NRP1: variants seen among roughly 807,000 people sequenced by gnomAD.
NRP1 encodes neuropilin-1.
A neutral mutation model predicts 106.7 loss-of-function variants in NRP1; 35 were observed. The observed-to-expected ratio is 0.33, with a 90% CI of 0.25 to 0.43. The LOEUF is 0.43. Among genes scored for constraint, NRP1 ranks in the 20% least tolerant of loss-of-function variants. The pLI is 1.00. For missense variants in NRP1, 1,024 were observed against 1,170.4 expected (o/e 0.87, Z 1.83); for synonymous variants, 437 against 417.9 (o/e 1.05, Z -0.56).
chr10:33,244,057 C>T (rs1230218393), intron 6 of NRP1, among the ~76,000 whole-genome samples: 1 of 151,828 alleles, frequency 6.6e-6, no homozygotes, highest in Non-Finnish European at 1.5e-5. Flanking sequence ...GTGGTGCTTT[C>T]AAATGGTGCA....
intron 16 of NRP1, among the ~76,000 whole-genome samples, chr10:33,180,762 C>A (rs1835634836): frequency 6.6e-6 from 1 of 152,224 alleles, no homozygotes; most frequent in African/African-American, 2.4e-5. Flanking sequence ...ATGTACCTAA[C>A]CCCAAAACAG....
intron 13 of NRP1, among the ~76,000 whole-genome samples, chr10:33,191,344 G>A (rs931305268): frequency 2.1e-4 from 32 of 152,230 alleles, no homozygotes; most frequent in African/African-American, 7.5e-4. Context: ...TGTGATCTAG[G>A]GCATGGTGAG....
intron 2 of NRP1, among the ~76,000 whole-genome samples, chr10:33,316,386 A>T (rs1011905913): frequency 7.2e-5 from 11 of 152,176 alleles, no homozygotes; most frequent in African/African-American, 2.4e-4. Context: ...GGCAGAAGAG[A>T]AGTCATTTGC....
chr10:33,210,320 AT>A, intron 9 of NRP1, among the ~76,000 whole-genome samples: 1 of 152,238 alleles, frequency 6.6e-6, no homozygotes, highest in Admixed American at 6.5e-5. Flanking sequence ...TGTCAGTAGG[AT>A]ACTAATTATA....
Position 33,240,217 on chromosome 10 carries a change from C to T in NRP1, c.981+13811G>A, listed in dbSNP as rs115774064. ...CACACACACAGACACACACACACCT[C>T]TCCAGGTTTTCAGCAGTTTAAAGAA... On this transcript the variant is annotated intron_variant, in intron 6 of 16. Coordinates refer to ENST00000374867, the MANE Select transcript of NRP1 (RefSeq NM_003873.7). Among the ~76,000 whole-genome samples the T allele has an allele frequency of 6.8e-3, 1,035 of 152,282 alleles. 17 individuals are homozygous for T. The highest frequency in any genetic ancestry group is 0.024 in the African/African-American group (1,004 of 41,566).
chr10:33,247,084 A>G (rs1841483384), intron 6 of NRP1, among the ~76,000 whole-genome samples: 1 of 152,262 alleles, frequency 6.6e-6, no homozygotes, highest in Non-Finnish European at 1.5e-5. Context: ...TGTTAAAACA[A>G]ATGACATTCT....
intron 2 of NRP1, among the ~76,000 whole-genome samples, chr10:33,274,756 G>T (rs1311970120): frequency 6.6e-6 from 1 of 152,136 alleles, no homozygotes; most frequent in African/African-American, 2.4e-5. Flanking sequence ...TGAGGTGGTG[G>T]TGTCTTTTTA....
At chr10:33,232,981 C>T (rs534952098) in intron 6 of NRP1, among the ~76,000 whole-genome samples, 8 of 152,050 alleles carry the variant, frequency 5.3e-5, no homozygotes, top group South Asian at 2.1e-4. Context: ...TACATAGCGC[C>T]GTTGGCACTA....
At chr10:33,249,448 G>T (rs1239145776) in intron 6 of NRP1, 2 of 525,512 alleles carry the variant, frequency 3.8e-6, no homozygotes, top group South Asian at 2.9e-5. Flanking sequence ...TATAGGAAAA[G>T]AAACTCAGTT....
chr10:33,254,041 CG>C lies in NRP1; in HGVS notation c.967del (p.Arg323GlufsTer6). The C allele has an allele frequency of 6.2e-7, 1 of 1,609,824 alleles. No homozygotes were observed. Among genetic ancestry groups the C allele is most frequent in the Non-Finnish European group, 8.5e-7 (1 of 1,178,830 alleles). The part of the protein sequence containing the change: ...NGWTPGEDSY[R>X]EWIQVDLGLL... ...TATGCTGCATACCTGTATCCACTCT[CG>C]GTAGGAATCCTCTCCGGGAGTCCAC... On this transcript the variant is annotated frameshift_variant, in exon 6 of 17. Coordinates refer to ENST00000374867, the MANE Select transcript of NRP1 (RefSeq NM_003873.7). LOFTEE classifies it high-confidence loss of function.
At chr10:33,273,450 C>G (rs1418570745) in intron 2 of NRP1, among the ~76,000 whole-genome samples, 1 of 152,184 alleles carries the variant, frequency 6.6e-6, no homozygotes. Flanking sequence ...AGCTGGTGTG[C>G]CAGCATCCCT....
At chr10:33,242,074 T>C (rs1299375614) in intron 6 of NRP1, among the ~76,000 whole-genome samples, 2 of 152,184 alleles carry the variant, frequency 1.3e-5, no homozygotes, top group Non-Finnish European at 2.9e-5. Context: ...ATTACAGAAG[T>C]TGATAGTCGG....
chr10:33,319,933 C>G (rs11009339), intron 2 of NRP1, among the ~76,000 whole-genome samples: 19,790 of 151,892 alleles, frequency 0.13, 1,635 homozygotes, highest in East Asian at 0.29. Flanking sequence ...GCGAAAGTCC[C>G]CAGTTCCGTT....
At chr10:33,237,755 T>G (rs925297331) in intron 6 of NRP1, among the ~76,000 whole-genome samples, 11 of 151,858 alleles carry the variant, frequency 7.2e-5, no homozygotes, top group Middle Eastern at 3.4e-3. Flanking sequence ...GGAGATGGGG[T>G]TGTGTCCTGT....
At chr10:33,190,790 G>T (rs1564365703) in intron 13 of NRP1, among the ~76,000 whole-genome samples, 1 of 152,088 alleles carries the variant, frequency 6.6e-6, no homozygotes, top group Non-Finnish European at 1.5e-5. Flanking sequence ...GTGTGTGTGT[G>T]TATGTGTGTG....
At chr10:33,279,047 AATTG>A (rs1388854492) in intron 2 of NRP1, among the ~76,000 whole-genome samples, 1 of 152,198 alleles carries the variant, frequency 6.6e-6, no homozygotes, top group Admixed American at 6.5e-5. Flanking sequence ...AAGGAATAAT[AATTG>A]ATTGTGCATG....
intron 2 of NRP1, among the ~76,000 whole-genome samples, chr10:33,321,658 G>A (rs909147249): frequency 6.6e-6 from 1 of 152,152 alleles, no homozygotes; most frequent in Non-Finnish European, 1.5e-5. Context: ...GCCACTTCCT[G>A]GGTTGCTTGT....
chr10:33,257,934 G>C (rs1010994752), intron 4 of NRP1, among the ~76,000 whole-genome samples: 1 of 152,108 alleles, frequency 6.6e-6, no homozygotes, highest in Admixed American at 6.6e-5. Flanking sequence ...CCATGGTTCT[G>C]TGCGTTTCAA....
chr10:33,192,908 C>T (rs1482924368), intron 12 of NRP1, among the ~76,000 whole-genome samples: 1 of 152,148 alleles, frequency 6.6e-6, no homozygotes, highest in African/African-American at 2.4e-5. Flanking sequence ...CTATTTCCAC[C>T]TCACCAGTTC....
Sources: allele counts gnomAD v4.1 joint callset (sites outside exome capture counted in the v4.1 genomes callset), GRCh38; gene constraint gnomAD v4.1.1; transcripts MANE v1.5; gene names NCBI Gene and HGNC (gene_info 2026-07-23, HGNC 2026-07-21).